The following PDLIM2 variants were observed in gnomAD, a reference collection of about 807,000 sequenced individuals.
The protein encoded by PDLIM2 is PDZ and LIM domain protein 2.
PDLIM2 carries 51 observed loss-of-function variants against 54.1 expected under a neutral mutation model. That is an observed-to-expected ratio of 0.94 (90% CI 0.75 to 1.19). PDLIM2 has a LOEUF of 1.19. PDLIM2 is among the 50% of genes most tolerant of loss of function. The probability of loss-of-function intolerance (pLI) is 0.00; values close to 1 mark genes in which losing one functional copy is unlikely to be tolerated. For synonymous variants in PDLIM2, 398 were observed against 385.6 expected (o/e 1.03, Z -0.38); for missense variants, 912 against 874.0 (o/e 1.04, Z -0.55).
chr8:22,593,627 G>A (rs776201727), intron 9 of PDLIM2, 106 bp from the exon 9 acceptor site: 3 of 868,848 alleles, frequency 3.5e-6, no homozygotes, highest in Non-Finnish European at 5.0e-6. Flanking sequence ...GAAGGCTTTG[G>A]GCTCCACCCA....
intron 8 of PDLIM2, 178 bp from the exon 8 acceptor site, chr8:22,591,373 G>C (rs1586928995): frequency 1.6e-6 from 1 of 643,888 alleles, no homozygotes; most frequent in South Asian, 1.8e-5. Context: ...TCATGCCCTT[G>C]CCCAGCCTCA....
chr8:22,581,754 G>A (rs540246823), intron 3 of PDLIM2, among the ~76,000 whole-genome samples: 1 of 152,264 alleles, frequency 6.6e-6, no homozygotes, highest in Non-Finnish European at 1.5e-5. Context: ...GCCAGGCTGG[G>A]CGTGCAGTCA....
downstream of PDLIM2, chr8:22,594,977 C>A: frequency 4.7e-6 from 1 of 213,000 alleles, no homozygotes; most frequent in South Asian, 7.3e-5. Flanking sequence ...AGGTGAGCTG[C>A]CCTGGGGGTT....
intron 1 of PDLIM2, chr8:22,579,678 T>G (rs1330720497): frequency 1.0e-6 from 1 of 979,330 alleles, no homozygotes; most frequent in East Asian, 3.3e-5. Context: ...TCGCAGCACT[T>G]GCGTCCCCAG....
intron 8 of PDLIM2, 123 bp from the exon 8 acceptor site, chr8:22,591,427 CT>C: frequency 2.4e-6 from 2 of 822,908 alleles, no homozygotes; most frequent in South Asian, 3.0e-5. Flanking sequence ...CCTGGTGCCA[CT>C]GTCAGCGTGA....
intron 3 of PDLIM2, among the ~76,000 whole-genome samples, chr8:22,584,278 T>A (rs1800303493): frequency 6.6e-6 from 1 of 150,964 alleles, no homozygotes. Flanking sequence ...CCTCCCAAAG[T>A]GCTGGGATTA....
chr8:22,594,152 GCCTTTGATCAA>G, exon 10 of PDLIM2: 1 of 1,418,488 alleles, frequency 7.0e-7, no homozygotes, highest in Non-Finnish European at 9.2e-7. Flanking sequence ...GGTGGCCACT[GCCTTTGATCAA>G]CCTTTGTGTG....
At chr8:22,585,109 C>T in exon 5 of PDLIM2, 2 of 1,613,926 alleles carry the variant, frequency 1.2e-6, no homozygotes, top group Non-Finnish European at 1.7e-6. Context: ...GCAGCCCCTT[C>T]TCACCACCAC....
In PDLIM2 at chr8:22,584,804, C is replaced by G; in HGVS notation, c.996-17C>G. 1 of 1,613,608 alleles carries G rather than the reference C, an allele frequency of 6.2e-7. No individual in the cohort carries two copies. The highest frequency in any genetic ancestry group is 8.5e-7 in the Non-Finnish European group (1 of 1,179,538). ...GCAGGGCCCCTGTGACATTCCCTCC[C>G]TCTGTTGCCTTCTCAGGTCTCAGGC... On this transcript the variant is annotated splice_polypyrimidine_tract_variant and intron_variant, in intron 3 of 9. Coordinates refer to ENST00000308354, the Ensembl canonical transcript of PDLIM2.
chr8:22,579,168 C>T (rs11545016), exon 1 of PDLIM2: 258,849 of 1,347,266 alleles, frequency 0.19, 25,723 homozygotes, highest in Middle Eastern at 0.22. Context: ...TGGCGTCTCC[C>T]CGCCTTCCCT....
rs530039600 is a variant in PDLIM2, at chr8:22,583,854, GAAAAAAAAAAAA to G, written c.996-948_996-937del. ...TCAGTGACAAAGTCCAGGCAAAATAGAAAAAAAAAAAAAAAAAAAAAAAAAAAAAAGGGCAGG... is the reference window on the plus strand; with the variant it reads ...TCAGTGACAAAGTCCAGGCAAAATAGAAAAAAAAAAAAAAAAAAGGGCAGG... On this transcript the variant is annotated intron_variant, in intron 3 of 9. Transcript: ENST00000308354. Among the ~76,000 whole-genome samples, 43 of 79,116 alleles carry G rather than the reference GAAAAAAAAAAAA, an allele frequency of 5.4e-4. No individual in the cohort carries two copies. In the South Asian group the frequency reaches 5.8e-3, roughly 11 times the overall value. 51.9% of individuals were successfully genotyped at this position (79,116 alleles called of 152,430 possible).
exon 2 of PDLIM2, chr8:22,580,641 T>C (rs1455432635): frequency 6.2e-7 from 1 of 1,613,958 alleles, no homozygotes; most frequent in African/African-American, 1.3e-5. Flanking sequence ...GCCAGCGCCC[T>C]GGGGCTTCCG....
intron 3 of PDLIM2, among the ~76,000 whole-genome samples, chr8:22,583,593 C>G (rs537108917): frequency 1.3e-5 from 2 of 151,962 alleles, no homozygotes; most frequent in Non-Finnish European, 2.9e-5. Context: ...CGGCGAAACC[C>G]CGTCTCTACT....
At chr8:22,581,006 T>G (rs926544312) in intron 2 of PDLIM2, 1 of 656,122 alleles carries the variant, frequency 1.5e-6, no homozygotes, top group African/African-American at 1.8e-5. Context: ...CCGGAGTTCT[T>G]GGCAGTCTCC....
At chr8:22,589,779 C>T (rs756358169) in intron 8 of PDLIM2, 38 bp downstream of exon 7, 1 of 1,551,214 alleles carries the variant, frequency 6.4e-7, no homozygotes, top group Non-Finnish European at 8.7e-7. Context: ...AAGGAGGTTC[C>T]CTTCCGTACC....
downstream of PDLIM2, chr8:22,594,453 C>T (rs1800639353): frequency 6.2e-7 from 1 of 1,608,474 alleles, no homozygotes; most frequent in Non-Finnish European, 8.5e-7. Context: ...TGACATTTCC[C>T]ATGGAAGGGC....
rs556340887 is a variant in PDLIM2, at chr8:22,591,899, C to G, written c.1631+231C>G. 1,542 of 453,800 alleles carry G rather than the reference C, an allele frequency of 3.4e-3. 5 individuals are homozygous for G. The highest frequency in any genetic ancestry group is 5.8e-3 in the Middle Eastern group (10 of 1,722). The allele number at this position is 453,800 out of a possible 1,614,324, so 28.1% of individuals were successfully genotyped here. On this transcript the variant is annotated intron_variant, in intron 9 of 9. Transcript: ENST00000308354. ...CATCTCCTCTCCCTCTCCTCCTTTTCCCATCCCTTTTGATTTCTCTTTGAT... is the reference window on the plus strand; with the variant it reads ...CATCTCCTCTCCCTCTCCTCCTTTTGCCATCCCTTTTGATTTCTCTTTGAT...
At chr8:22,585,058 G>A in exon 5 of PDLIM2, 2 of 1,614,012 alleles carry the variant, frequency 1.2e-6, no homozygotes, top group Non-Finnish European at 1.7e-6. Context: ...CCTCCTTAAG[G>A]TCCTCCTACT....
chr8:22,579,449 A>G, exon 1 of PDLIM2: 1 of 1,519,104 alleles, frequency 6.6e-7, no homozygotes, highest in South Asian at 1.2e-5. Context: ...AGGAGGCTCC[A>G]GAACTGGTAG....
Sources: gnomAD v4.1 joint callset for allele counts (sites outside exome capture counted in the v4.1 genomes callset) on GRCh38, gnomAD v4.1.1 for gene constraint, MANE v1.5 for transcripts, NCBI Gene and HGNC (gene_info 2026-07-23, HGNC 2026-07-21) for gene names.